The following SMAP2 variants were observed in gnomAD, a reference collection of about 807,000 sequenced individuals.
The protein encoded by SMAP2 is small ArfGAP2, also known as stromal membrane-associated protein 2.
A neutral mutation model predicts 56.4 loss-of-function variants in SMAP2; 25 were observed. The observed-to-expected ratio is 0.44, with a 90% CI of 0.32 to 0.62. SMAP2 has a LOEUF of 0.62. SMAP2 is among the 20% of genes least tolerant of loss of function. The probability of loss-of-function intolerance (pLI) is 0.04; values close to 1 mark genes in which losing one functional copy is unlikely to be tolerated. For synonymous variants in SMAP2, 157 were observed against 181.7 expected (o/e 0.86, Z 1.09); for missense variants, 388 against 545.6 (o/e 0.71, Z 2.88).
Position 40,374,242 on chromosome 1 carries a change from CGGG to C in SMAP2, c.103+20_103+22del. 6.3e-7 allele frequency: 1 copy of C among 1,593,198 alleles called. No individual in the cohort carries two copies. The highest frequency in any genetic ancestry group is 1.1e-5 in the South Asian group (1 of 88,520). On this transcript the variant is annotated intron_variant, in intron 1 of 9. Transcript: ENST00000372718. The surrounding 1 kb of genome is among the most constrained non-coding windows in gnomAD (Gnocchi z 5.9). ...TCTAAAGGTAGCGCATCCCACCTGG[CGGG>C]CCAGGGGTCCAGCCGCGCCGGGGTG...
chr1:40,399,577 A>C (rs1409311575), intron 1 of SMAP2, among the ~76,000 whole-genome samples: 1 of 149,798 alleles, frequency 6.7e-6, no homozygotes, highest in African/African-American at 2.5e-5. Flanking sequence ...TGGCTCATGC[A>C]TCTAGTCCCA....
intron 1 of SMAP2, among the ~76,000 whole-genome samples, chr1:40,391,327 G>A (rs901124376): frequency 2.0e-5 from 3 of 152,132 alleles, no homozygotes; most frequent in Non-Finnish European, 4.4e-5. Context: ...GAATGCCGAC[G>A]CTTGATTATG....
intron 9 of SMAP2, among the ~76,000 whole-genome samples, chr1:40,421,571 C>A (rs1209629396): frequency 6.6e-6 from 1 of 152,170 alleles, no homozygotes; most frequent in African/African-American, 2.4e-5. Context: ...ACAGTAATAG[C>A]TGTGCTGAAG....
chr1:40,388,011 G>C (rs1189333519), intron 1 of SMAP2, among the ~76,000 whole-genome samples: 1 of 152,212 alleles, frequency 6.6e-6, no homozygotes, highest in African/African-American at 2.4e-5. Flanking sequence ...CGGCTGCAGA[G>C]GGTGTGCTGG....
intron 1 of SMAP2, among the ~76,000 whole-genome samples, chr1:40,356,408 T>TG (rs1051040586): frequency 2.0e-5 from 3 of 150,430 alleles, no homozygotes; most frequent in East Asian, 1.9e-4. Context: ...GTTTTTTGTT[T>TG]TTTTTTGTTT....
In SMAP2 at chr1:40,421,963, C is replaced by T; in HGVS notation, c.1165-13C>T. ...CCACAGCCTGGTCTGAAAGTCTCCT[C>T]TCTCCCTTTCAGATGACCCAGCAGA... On this transcript the variant is annotated splice_polypyrimidine_tract_variant and intron_variant, in intron 9 of 9. Transcript: ENST00000372718. 6.2e-7 allele frequency: 1 copy of T among 1,614,126 alleles called. No homozygotes were observed. Among genetic ancestry groups the T allele is most frequent in the Non-Finnish European group, 8.5e-7 (1 of 1,179,992 alleles).
chr1:40,389,605 G>A (rs1644695731), intron 1 of SMAP2, among the ~76,000 whole-genome samples: 1 of 152,140 alleles, frequency 6.6e-6, no homozygotes, highest in African/African-American at 2.4e-5. Context: ...CTGTGCTTCT[G>A]CCACCTGTGC....
At chr1:40,373,034 G>A (rs1188001118), upstream of SMAP2, among the ~76,000 whole-genome samples, 1 of 152,202 alleles carries the variant, frequency 6.6e-6, no homozygotes, top group Non-Finnish European at 1.5e-5. Context: ...TGTGTGCTAT[G>A]CTTTAATCAC....
chr1:40,373,657 T>G (rs1409070115), upstream of SMAP2: 1 of 155,248 alleles, frequency 6.4e-6, no homozygotes, highest in Non-Finnish European at 1.4e-5. Flanking sequence ...TGCGGCGCGG[T>G]GGGGGCGGGG....
chr1:40,414,093 A>G (rs1029118197), intron 5 of SMAP2, 66 bp from the exon 6 acceptor site: 2 of 1,426,012 alleles, frequency 1.4e-6, no homozygotes, highest in South Asian at 1.2e-5. Flanking sequence ...GTGGCTTTAC[A>G]GTGGAGATGG....
rs113674878 is a variant in SMAP2 at position 40,378,939 on chromosome 1, C to T, written c.103+4716C>T. On this transcript the variant is annotated intron_variant, in intron 1 of 9. Transcript: ENST00000372718. ...CATCTCTGAGCCACCATTTTCACTC[C>T]GTGGAAGTAACAATTGTTGGCAATT... Among the ~76,000 whole-genome samples the T allele has an allele frequency of 3.6e-3, 553 of 151,790 alleles. 3 individuals carry two copies. Among genetic ancestry groups the T allele is most frequent in the Non-Finnish European group, 5.8e-3 (392 of 67,946 alleles).
Position 40,374,407 on chromosome 1 carries a change from G to T in SMAP2, c.103+184G>T, listed in dbSNP as rs922608802. Among the ~76,000 whole-genome samples the T allele has an allele frequency of 3.3e-5, 5 of 152,142 alleles. No individual in the cohort carries two copies. The highest frequency in any genetic ancestry group is 7.4e-5 in the Non-Finnish European group (5 of 68,026). On this transcript the variant is annotated intron_variant, in intron 1 of 9. Coordinates refer to ENST00000372718, the MANE Select transcript of SMAP2 (RefSeq NM_022733.3). The surrounding 1 kb of genome is among the most constrained non-coding windows in gnomAD (Gnocchi z 5.9). ...TGGGGGATTGGTATGGGTAGAGCTT[G>T]CGAGGGCGAGTCTGTGTGTGTCGGG...
At chr1:40,354,767 ATTTTT>A (rs774191085) in intron 1 of SMAP2, among the ~76,000 whole-genome samples, 21 of 67,326 alleles carry the variant, frequency 3.1e-4, no homozygotes, top group Admixed American at 2.6e-4. Flanking sequence ...AAAACATTGA[ATTTTT>A]TTTTTTTTTT....
intron 1 of SMAP2, among the ~76,000 whole-genome samples, chr1:40,349,022 G>A (rs951690405): frequency 4.6e-5 from 7 of 152,174 alleles, no homozygotes; most frequent in African/African-American, 9.6e-5. Context: ...CACCTGCCTC[G>A]GCCTCCCAAA....
intron 9 of SMAP2, among the ~76,000 whole-genome samples, chr1:40,417,559 C>T (rs138463952): frequency 1.3e-5 from 2 of 152,134 alleles, no homozygotes; most frequent in East Asian, 3.9e-4. Context: ...TAAAGTAACC[C>T]CCCAGAAGGA....
chr1:40,403,542 C>A, intron 1 of SMAP2: 2 of 398,612 alleles, frequency 5.0e-6, no homozygotes, highest in Non-Finnish European at 6.8e-6. Context: ...CGTGGTGTTG[C>A]ATAGAGTGTT....
intron 1 of SMAP2, among the ~76,000 whole-genome samples, chr1:40,379,555 CTTTTTTT>C (rs35398664): frequency 1.4e-4 from 11 of 78,124 alleles, no homozygotes; most frequent in South Asian, 5.0e-4. Context: ...TGTTGTCTCT[CTTTTTTT>C]TTTTTTTTTT....
intron 1 of SMAP2, among the ~76,000 whole-genome samples, chr1:40,396,090 G>T (rs549312765): frequency 5.2e-4 from 79 of 152,206 alleles, no homozygotes; most frequent in African/African-American, 1.0e-3. Flanking sequence ...CTTGTATTTT[G>T]GTTGAGTATA....
At chr1:40,362,837 G>A (rs1380040382) in intron 2 of SMAP2, among the ~76,000 whole-genome samples, 3 of 152,138 alleles carry the variant, frequency 2.0e-5, no homozygotes, top group African/African-American at 7.2e-5. Context: ...TTCCCAGGAT[G>A]ATAGTGAAGG....
Sources: gnomAD v4.1 joint callset for allele counts (sites outside exome capture counted in the v4.1 genomes callset) on GRCh38, gnomAD v4.1.1 for gene constraint, Gnocchi (gnomAD v3.1) non-coding constraint, MANE v1.5 for transcripts, NCBI Gene and HGNC (gene_info 2026-07-23, HGNC 2026-07-21) for gene names.